HSPA12B: variants seen among roughly 807,000 people sequenced by gnomAD.
The protein encoded by HSPA12B is heat shock 70 kDa protein 12B.
In HSPA12B, 54 loss-of-function variants were observed where a neutral mutation model predicts 69.3. The observed-to-expected ratio is 0.78, with a 90% CI of 0.63 to 0.98. The LOEUF (loss-of-function observed/expected upper bound fraction) is 0.98, where lower values mean the gene tolerates loss of function less well. HSPA12B is among the 50% of genes least tolerant of loss of function. The pLI is 0.00. For missense variants in HSPA12B, 929 were observed against 999.8 expected (o/e 0.93, Z 0.96); for synonymous variants, 441 against 436.5 (o/e 1.01, Z -0.13).
In HSPA12B at chr20:3,737,680, T is replaced by G. The variant is rs2088129535; in HGVS notation, c.-17-978T>G. On this transcript the variant is annotated intron_variant, in intron 1 of 12. Coordinates refer to ENST00000254963, the MANE Select transcript of HSPA12B (RefSeq NM_052970.5). This position sits in a 1 kb window ranked among gnomAD's most constrained non-coding sequence, Gnocchi z 4.1. ...AGCCTTTAAATGTAGGTTCTCCTCG[T>G]GACAGAGTGACACCCTATCTCAAAA... Among the ~76,000 whole-genome samples, 1 of 152,148 alleles carries G rather than the reference T, an allele frequency of 6.6e-6. No homozygotes were observed. Among genetic ancestry groups the G allele is most frequent in the South Asian group, 2.1e-4 (1 of 4,828 alleles).
At position 3,745,095 on chromosome 20, in the gene HSPA12B, C is replaced by A; in HGVS notation, c.453+7C>A. 1.2e-6 allele frequency: 2 copies of A among 1,609,560 alleles called. No individual in the cohort carries two copies. Among genetic ancestry groups the A allele is most frequent in the East Asian group, 4.5e-5 (2 of 44,790 alleles). Reference sequence around the variant, plus strand: ...GAAGATCCACAGCGCCACGGTGAGTCACAGGGCTCCAGACAGGGAGGCGGG... The same window carrying A: ...GAAGATCCACAGCGCCACGGTGAGTAACAGGGCTCCAGACAGGGAGGCGGG... On this transcript the variant is annotated splice_region_variant and intron_variant, in intron 5 of 12. Coordinates refer to ENST00000254963, the MANE Select transcript of HSPA12B (RefSeq NM_052970.5). This position sits in a 1 kb window ranked among gnomAD's most constrained non-coding sequence, Gnocchi z 5.6.
At chr20:3,736,784 A>G (rs2088114621) in intron 1 of HSPA12B, among the ~76,000 whole-genome samples, 1 of 152,196 alleles carries the variant, frequency 6.6e-6, no homozygotes, top group Admixed American at 6.5e-5. Flanking sequence ...GCACTTTGGG[A>G]GGCTGAGACG....
rs970992485 is a variant in HSPA12B at position 3,745,843 on chromosome 20, C to T, written c.559-72C>T. On this transcript the variant is annotated intron_variant, in intron 6 of 12. Coordinates refer to ENST00000254963, the MANE Select transcript of HSPA12B (RefSeq NM_052970.5). The surrounding 1 kb of genome is among the most constrained non-coding windows in gnomAD (Gnocchi z 5.6). ...CTTCCTGTGATTTGATTAGTACCTC[C>T]AGTTCCGCAGAGGGCTGAAGACCAC... 3.1e-6 allele frequency: 4 copies of T among 1,306,910 alleles called. No homozygotes were observed. The highest frequency in any genetic ancestry group is 1.8e-4 in the Middle Eastern group (1 of 5,448). The allele number at this position is 1,306,910 out of a possible 1,614,324, so 81.0% of individuals were successfully genotyped here. A position where few individuals can be genotyped will look rare whatever the true frequency, so the allele number is the denominator to read the frequency against.
chr20:3,749,624 C>A lies in HSPA12B; in HGVS notation c.938-126C>A. The A allele has an allele frequency of 2.8e-6, 2 of 704,728 alleles. No individual in the cohort carries two copies. The highest frequency in any genetic ancestry group is 2.3e-6 in the Non-Finnish European group (1 of 430,276). 43.7% of individuals were successfully genotyped at this position (704,728 alleles called of 1,614,324 possible). A position where few individuals can be genotyped will look rare whatever the true frequency, so the allele number is the denominator to read the frequency against. On this transcript the variant is annotated intron_variant, in intron 9 of 12. Coordinates refer to ENST00000254963, the MANE Select transcript of HSPA12B (RefSeq NM_052970.5). The surrounding 1 kb of genome is among the most constrained non-coding windows in gnomAD (Gnocchi z 5.5). The stretch of plus-strand genomic sequence containing the variant: ...CAAGCACCTGAAGCCCCTCACGTCC[C>A]TCCCCCGACCCTGCAGACAGGCCTT...
chr20:3,742,721 G>A (rs182784810), intron 4 of HSPA12B, among the ~76,000 whole-genome samples: 18 of 147,916 alleles, frequency 1.2e-4, no homozygotes, highest in East Asian at 5.9e-4. Context: ...TTTTTGAGGC[G>A]GAGTCTCACT....
intron 1 of HSPA12B, among the ~76,000 whole-genome samples, chr20:3,734,196 T>C (rs1167500521): frequency 6.6e-6 from 1 of 152,068 alleles, no homozygotes; most frequent in African/African-American, 2.4e-5. Flanking sequence ...GGGGGCAGGG[T>C]TCGTCCTAGG....
chr20:3,733,960 C>A (rs1454506937), intron 1 of HSPA12B, among the ~76,000 whole-genome samples: 2 of 152,166 alleles, frequency 1.3e-5, no homozygotes, highest in Non-Finnish European at 2.9e-5. Context: ...ACATGAGCGC[C>A]CAGCTGAAAC....
At position 3,752,476 on chromosome 20, in the gene HSPA12B, A is replaced by C; in HGVS notation, c.*310A>C. 1 of 210,500 alleles carries C rather than the reference A, an allele frequency of 4.8e-6. No individual in the cohort carries two copies. Among genetic ancestry groups the C allele is most frequent in the Non-Finnish European group, 9.5e-6 (1 of 105,616 alleles). The allele number at this position is 210,500 out of a possible 1,614,324, so 13.0% of individuals were successfully genotyped here. A position where few individuals can be genotyped will look rare whatever the true frequency, so the allele number is the denominator to read the frequency against. ...AGGGGCATGTGACCCCGAAGGAAGA[A>C]CGCAACAGAAGAGTCCTGGTCTGAA... On this transcript the variant is annotated 3_prime_UTR_variant, in exon 13 of 13. Transcript: ENST00000254963.
intron 7 of HSPA12B, among the ~76,000 whole-genome samples, chr20:3,746,479 T>C (rs1378864482): frequency 1.3e-5 from 2 of 151,968 alleles, no homozygotes; most frequent in African/African-American, 4.8e-5. Flanking sequence ...ATTTTTTGTA[T>C]TTTTAGTAGA....
intron 8 of HSPA12B, 88 bp downstream of exon 8, chr20:3,748,479 A>G: frequency 8.0e-7 from 1 of 1,254,184 alleles, no homozygotes; most frequent in South Asian, 1.9e-5. Flanking sequence ...TATGAAGGGG[A>G]GAGGGTACCC....
Position 3,752,189 on chromosome 20 carries a change from C to T in HSPA12B, c.*23C>T, listed in dbSNP as rs2088440349. The T allele has an allele frequency of 4.1e-6, 6 of 1,452,520 alleles. No individual in the cohort carries two copies. The South Asian group carries it at 5.8e-5, about 14-fold the overall frequency. The allele number at this position is 1,452,520 out of a possible 1,614,324, so 90.0% of individuals were successfully genotyped here. On this transcript the variant is annotated 3_prime_UTR_variant, in exon 13 of 13. Transcript: ENST00000254963. ...TGAGGGCGCGCCGGCGCGGTGCCAG[C>T]GCCGTCTGCCCGGCCCCGCCCTCTT...
chr20:3,748,406 G>A lies in HSPA12B; in HGVS notation c.850+15G>A. ...CTTCCGTCAGGGTGAGCTGCCCCCG[G>A]GGACACCACCCACCCCTGGAGGGTC... is the stretch of plus-strand genomic sequence containing the variant. On this transcript the variant is annotated intron_variant, in intron 8 of 12. Coordinates refer to ENST00000254963, the MANE Select transcript of HSPA12B (RefSeq NM_052970.5). 13 of 1,567,752 alleles carry A rather than the reference G, an allele frequency of 8.3e-6. No individual in the cohort carries two copies. The highest frequency in any genetic ancestry group is 1.1e-5 in the Non-Finnish European group (13 of 1,159,432).
chr20:3,751,487 G>A (rs1600332804), intron 12 of HSPA12B, 24 bp from the exon 13 acceptor site: 1 of 1,380,422 alleles, frequency 7.2e-7, no homozygotes, highest in Non-Finnish European at 9.3e-7. Flanking sequence ...CCCTTCACCC[G>A]CGTCCCCCCG....
chr20:3,746,778 G>A (rs186046401), intron 7 of HSPA12B, among the ~76,000 whole-genome samples: 63 of 152,344 alleles, frequency 4.1e-4, no homozygotes, highest in Non-Finnish European at 7.1e-4. Flanking sequence ...CTGTAGCACA[G>A]AGTTGGGGCC....
At chr20:3,738,770 C>A in intron 2 of HSPA12B, 53 bp downstream of exon 2, 1 of 1,585,288 alleles carries the variant, frequency 6.3e-7, no homozygotes, top group Non-Finnish European at 8.7e-7. Flanking sequence ...CCCGAGCAGG[C>A]ACTGAGACCC....
chr20:3,736,094 T>A (rs1485546331), intron 1 of HSPA12B, among the ~76,000 whole-genome samples: 1 of 152,186 alleles, frequency 6.6e-6, no homozygotes, highest in Non-Finnish European at 1.5e-5. Context: ...GCTACCAATG[T>A]GATGTCATTG....
chr20:3,752,273 C>A lies in HSPA12B; in HGVS notation c.*107C>A. 1.9e-6 allele frequency: 2 copies of A among 1,049,694 alleles called. No individual in the cohort carries two copies. Among genetic ancestry groups the A allele is most frequent in the Non-Finnish European group, 1.3e-6 (1 of 774,688 alleles). The allele number at this position is 1,049,694 out of a possible 1,614,324, so 65.0% of individuals were successfully genotyped here. A position where few individuals can be genotyped will look rare whatever the true frequency, so the allele number is the denominator to read the frequency against. ...GGGGAAACGATAGTTCTGCAGTCTG[C>A]GCCTTTCCACGCCCTCCAGCCCCGG... is the stretch of plus-strand genomic sequence containing the variant. On this transcript the variant is annotated 3_prime_UTR_variant, in exon 13 of 13. Transcript: ENST00000254963.
chr20:3,751,793 T>C lies in HSPA12B; in HGVS notation c.1688T>C (p.Val563Ala), dbSNP rs1391231017. The C allele has an allele frequency of 2.0e-6, 3 of 1,528,316 alleles. 1 individual carries two copies. The South Asian group carries it at 3.6e-5, about 18-fold the overall frequency. 94.7% of individuals were successfully genotyped at this position (1,528,316 alleles called of 1,614,324 possible). A position where few individuals can be genotyped will look rare whatever the true frequency, so the allele number is the denominator to read the frequency against. ...PGRHPPEKLLVRDGRRWCTDV... is the reference protein window; with the variant it reads ...PGRHPPEKLLARDGRRWCTDV... ...CGCCACCCGCCCGAAAAGCTGCTGG[T>C]TCGCGACGGCCGCCGCTGGTGCACC... is the stretch of plus-strand genomic sequence containing the variant. Residue 563 changes from valine (V) to alanine (A), a missense_variant, in exon 13 of 13, where the codon GTT becomes GCT. By Grantham distance (64) the Val-to-Ala change is moderately conservative. Transcript: ENST00000254963.
At chr20:3,750,654 C>A (rs1451772147) in intron 11 of HSPA12B, 150 bp from the exon 12 acceptor site, 1 of 1,527,502 alleles carries the variant, frequency 6.5e-7, no homozygotes, top group East Asian at 2.3e-5. Flanking sequence ...ACTAACATCC[C>A]GCAGGTCCAG....
Sources: gnomAD v4.1 joint callset for allele counts (sites outside exome capture counted in the v4.1 genomes callset) on GRCh38, gnomAD v4.1.1 for gene constraint, Gnocchi (gnomAD v3.1) non-coding constraint, MANE v1.5 for transcripts, NCBI Gene and HGNC (gene_info 2026-07-23, HGNC 2026-07-21) for gene names.